The following GMEB2 variants were observed in gnomAD, a reference collection of about 807,000 sequenced individuals.
The protein encoded by GMEB2 is glucocorticoid modulatory element binding protein 2, also known as glucocorticoid modulatory element-binding protein 2.
GMEB2 carries 7 observed loss-of-function variants against 45.7 expected under a neutral mutation model. The ratio of observed to expected loss-of-function variants is 0.15; its 90% CI spans 0.09 to 0.29. The LOEUF is 0.29. GMEB2 is among the 10% of genes least tolerant of loss of function. The pLI, the probability that GMEB2 is intolerant of heterozygous loss-of-function variation, is 1.00. For missense variants in GMEB2, 582 were observed against 739.2 expected, an observed-to-expected ratio of 0.79 and a Z score of 2.47; for synonymous variants, 322 against 323.6, an observed-to-expected ratio of 1.00 and a Z score of 0.05.
intron 4 of GMEB2, among the ~76,000 whole-genome samples, chr20:63,602,024 CCTGTGGCTTCTGTGCAGCCTGTGGCTT>C (rs2083246147): frequency 6.6e-6 from 1 of 151,868 alleles, no homozygotes; most frequent in Non-Finnish European, 1.5e-5. Context: ...TTCTGTGGGG[CCTGTGGCTTCTGTGCAGCCTGTGGCTT>C]CTGTGGCTTC....
Position 63,588,193 on chromosome 20 carries a change from G to A in GMEB2, c.*1896C>T, listed in dbSNP as rs933785760. The A allele has an allele frequency of 2.0e-5, 3 of 152,472 alleles. No homozygotes were observed. The highest frequency in any genetic ancestry group is 2.9e-5 in the Non-Finnish European group (2 of 68,134). 9.4% of individuals were successfully genotyped at this position (152,472 alleles called of 1,614,324 possible). Reference sequence around the variant, plus strand: ...CTATGCCTCAGTAGCTAAGGGGCAGGGGCAGAAAAGGTCCCAACCCTGTTC... The same window carrying A: ...CTATGCCTCAGTAGCTAAGGGGCAGAGGCAGAAAAGGTCCCAACCCTGTTC... On this transcript the variant is annotated 3_prime_UTR_variant, in exon 10 of 10. Coordinates refer to ENST00000370077, the MANE Select transcript of GMEB2 (RefSeq NM_012384.5).
chr20:63,614,419 C>T (rs916503549), intron 2 of GMEB2, among the ~76,000 whole-genome samples: 11 of 152,222 alleles, frequency 7.2e-5, no homozygotes, highest in African/African-American at 2.2e-4. Context: ...CTAGCGGTAA[C>T]GCCAGCATCT....
intron 5 of GMEB2, among the ~76,000 whole-genome samples, chr20:63,596,772 C>G (rs141506512): frequency 6.6e-6 from 1 of 152,346 alleles, no homozygotes; most frequent in Non-Finnish European, 1.5e-5. Flanking sequence ...AATCCCAGCA[C>G]TTTGGGAGGC....
chr20:63,606,624 G>A (rs966278681), intron 2 of GMEB2, among the ~76,000 whole-genome samples: 1 of 152,168 alleles, frequency 6.6e-6, no homozygotes, highest in Non-Finnish European at 1.5e-5. Context: ...TGGGATTACA[G>A]GCATGAGCCA....
intron 1 of GMEB2, among the ~76,000 whole-genome samples, chr20:63,621,360 G>A (rs1399963665): frequency 6.6e-6 from 1 of 152,180 alleles, no homozygotes; most frequent in Non-Finnish European, 1.5e-5. Flanking sequence ...GTTCTGAATG[G>A]TGCTGAACCA....
At chr20:63,622,468 C>T (rs2039369) in intron 1 of GMEB2, among the ~76,000 whole-genome samples, 120,038 of 152,188 alleles carry the variant, frequency 0.79, 49,032 homozygotes, top group Non-Finnish European at 0.92. Flanking sequence ...CGACATTTTC[C>T]AGCATGGGAA....
At chr20:63,609,959 C>A (rs2089556656) in intron 2 of GMEB2, among the ~76,000 whole-genome samples, 1 of 151,200 alleles carries the variant, frequency 6.6e-6, no homozygotes, top group African/African-American at 2.4e-5. Context: ...GCCCCTCTGA[C>A]CCCACCTCCA....
intron 2 of GMEB2, among the ~76,000 whole-genome samples, chr20:63,616,648 G>A (rs6090476): frequency 0.17 from 26,097 of 152,194 alleles, 3,065 homozygotes; most frequent in East Asian, 0.49. Flanking sequence ...CCCCAAATCC[G>A]TAAATCTAGA....
intron 4 of GMEB2, 122 bp from the exon 5 acceptor site, chr20:63,597,982 C>G (rs2083212438): frequency 1.5e-6 from 1 of 667,422 alleles, no homozygotes; most frequent in Non-Finnish European, 2.8e-6. Flanking sequence ...ACGGCTCTGA[C>G]CGGTGCAGGC....
chr20:63,622,763 A>G (rs576831781), intron 1 of GMEB2, among the ~76,000 whole-genome samples: 29 of 152,338 alleles, frequency 1.9e-4, no homozygotes, highest in Middle Eastern at 3.4e-3. Flanking sequence ...CCAAGGAACC[A>G]AGAAATGTAG....
chr20:63,588,749 C>T lies in GMEB2; in HGVS notation c.*1340G>A, dbSNP rs1003972147. ...CAACTGCCGACAGAATCAGCAGGAGCGTCCAGGGGAATCTGGCACTCAGGG... is the reference window on the plus strand; with the variant it reads ...CAACTGCCGACAGAATCAGCAGGAGTGTCCAGGGGAATCTGGCACTCAGGG... On this transcript the variant is annotated 3_prime_UTR_variant, in exon 10 of 10. Transcript: ENST00000370077. 4 of 398,704 alleles carry T rather than the reference C, an allele frequency of 1.0e-5. No individual in the cohort carries two copies. Among genetic ancestry groups the T allele is most frequent in the East Asian group, 3.6e-5 (1 of 28,110 alleles). The allele number at this position is 398,704 out of a possible 1,614,324, so 24.7% of individuals were successfully genotyped here. A position where few individuals can be genotyped will look rare whatever the true frequency, so the allele number is the denominator to read the frequency against.
At chr20:63,599,205 G>A (rs1205782745) in intron 4 of GMEB2, among the ~76,000 whole-genome samples, 26 of 148,078 alleles carry the variant, frequency 1.8e-4, no homozygotes, top group Admixed American at 3.3e-4. Flanking sequence ...GAGCTAACGT[G>A]GCCGCTCCTG....
At position 63,617,646 on chromosome 20, in the gene GMEB2, C is replaced by T. The variant is rs1025444822; in HGVS notation, c.131+1621G>A. On this transcript the variant is annotated intron_variant, in intron 2 of 9. Transcript: ENST00000370077. Reference sequence around the variant, plus strand: ...GGGTGAGGTGACCTGGACACCATCCCGGCAGCCGCGGCCACGGAGTCACGG... The same window carrying T: ...GGGTGAGGTGACCTGGACACCATCCTGGCAGCCGCGGCCACGGAGTCACGG... 3.3e-5 allele frequency among the ~76,000 whole-genome samples: 5 copies of T among 151,024 alleles called. No homozygotes were observed. In the East Asian group the frequency reaches 9.8e-4, roughly 30 times the overall value.
intron 9 of GMEB2, among the ~76,000 whole-genome samples, chr20:63,591,625 AGTTTT>A (rs1335153303): frequency 6.6e-6 from 1 of 151,840 alleles, no homozygotes; most frequent in Non-Finnish European, 1.5e-5. Flanking sequence ...CACCATGCCC[AGTTTT>A]GTTTTGTTTT....
chr20:63,598,232 A>T (rs1281830412), intron 4 of GMEB2, among the ~76,000 whole-genome samples: 1 of 152,162 alleles, frequency 6.6e-6, no homozygotes, highest in East Asian at 1.9e-4. Context: ...GTTACATCGC[A>T]GATGGCAACA....
intron 4 of GMEB2, among the ~76,000 whole-genome samples, chr20:63,598,227 A>G (rs1438521609): frequency 6.6e-6 from 1 of 152,164 alleles, no homozygotes; most frequent in East Asian, 1.9e-4. Context: ...CATACGTTAC[A>G]TCGCAGATGG....
intron 5 of GMEB2, among the ~76,000 whole-genome samples, chr20:63,596,954 T>C (rs1261496364): frequency 1.3e-5 from 2 of 151,750 alleles, no homozygotes; most frequent in African/African-American, 4.8e-5. Context: ...GAGGCAGAGT[T>C]CGCAGTGAGC....
chr20:63,618,902 ACACT>A (rs778580872), intron 2 of GMEB2, among the ~76,000 whole-genome samples: 51 of 152,166 alleles, frequency 3.4e-4, no homozygotes, highest in Non-Finnish European at 5.7e-4. Flanking sequence ...GAGGAAGAAA[ACACT>A]CACAGTTTCA....
At chr20:63,598,715 G>A (rs1371876836) in intron 4 of GMEB2, among the ~76,000 whole-genome samples, 1 of 152,162 alleles carries the variant, frequency 6.6e-6, no homozygotes, top group Non-Finnish European at 1.5e-5. Flanking sequence ...AGCCCAGCCA[G>A]TCTCTGGCTC....
Sources: allele counts gnomAD v4.1 joint callset (sites outside exome capture counted in the v4.1 genomes callset), GRCh38; gene constraint gnomAD v4.1.1; transcripts MANE v1.5; gene names NCBI Gene and HGNC (gene_info 2026-07-23, HGNC 2026-07-21).